CCDC150: variants seen among roughly 807,000 people sequenced by gnomAD.
The protein encoded by CCDC150 is coiled-coil domain containing 150.
Under a neutral mutation model 156.5 loss-of-function variants are expected in CCDC150, and 151 were observed. That is an observed-to-expected ratio of 0.97 (90% CI 0.85 to 1.10). The LOEUF (loss-of-function observed/expected upper bound fraction) is 1.10. CCDC150 is among the 50% of genes least tolerant of loss of function. The pLI is 0.00. For missense variants in CCDC150, 1,312 were observed against 1,268.1 expected (o/e 1.03, Z -0.53); for synonymous variants, 452 against 429.4 (o/e 1.05, Z -0.65).
intron 8 of CCDC150, among the ~76,000 whole-genome samples, chr2:196,671,849 G>A (rs1289377730): frequency 6.6e-6 from 1 of 152,218 alleles, no homozygotes; most frequent in African/African-American, 2.4e-5. Context: ...GATTAAAGCT[G>A]CTATAAGTAT....
At chr2:196,661,510 T>C (rs1287430089) in intron 5 of CCDC150, among the ~76,000 whole-genome samples, 2 of 152,178 alleles carry the variant, frequency 1.3e-5, no homozygotes, top group Admixed American at 6.5e-5. Flanking sequence ...ATGGCTTCAT[T>C]TTAATTTAAT....
intron 1 of CCDC150, among the ~76,000 whole-genome samples, chr2:196,641,905 A>G (rs1206745209): frequency 6.6e-6 from 1 of 152,194 alleles, no homozygotes; most frequent in Non-Finnish European, 1.5e-5. Flanking sequence ...GCCTGTGTCC[A>G]CAGAAGCATG....
rs540179503 is a variant in CCDC150, at chr2:196,707,818, C to T, written c.1696-4327C>T. 7.2e-5 allele frequency among the ~76,000 whole-genome samples: 11 copies of T among 152,126 alleles called. No homozygotes were observed. In the East Asian group the frequency reaches 9.7e-4, roughly 13 times the overall value. On this transcript the variant is annotated intron_variant, in intron 15 of 27. Transcript: ENST00000389175. ...GTTGTTCAGTTTCCATGTAGTTGTG[C>T]GGTTTTGAGTGAGTTTCTTAATGCT...
intron 15 of CCDC150, among the ~76,000 whole-genome samples, chr2:196,704,789 G>A (rs1696490482): frequency 6.6e-6 from 1 of 152,292 alleles, no homozygotes. Flanking sequence ...CTATGAGTGA[G>A]AACATGGGGT....
Position 196,656,832 on chromosome 2 carries a change from G to A in CCDC150, c.376G>A (p.Asp126Asn). Residue 126 changes from aspartate to asparagine, a missense_variant, in exon 3 of 28, where the codon GAT (aspartate) becomes AAT (asparagine). Physicochemically the swap from Asp to Asn is conservative, Grantham distance 23. Coordinates refer to ENST00000389175, the MANE Select transcript of CCDC150 (RefSeq NM_001080539.2). Reference sequence around the variant, plus strand: ...CATCTTTCGGCTGCAAACTGAAAAGGATTTGAATCCTCAGAAAACAGGTAT... The same window carrying A: ...CATCTTTCGGCTGCAAACTGAAAAGAATTTGAATCCTCAGAAAACAGGTAT... Reference protein sequence around the residue: ...MNIFRLQTEKDLNPQKTAFLK... With the variant: ...MNIFRLQTEKNLNPQKTAFLK... 3 of 1,613,852 alleles carry A rather than the reference G, an allele frequency of 1.9e-6. No homozygotes were observed. Among genetic ancestry groups the A allele is most frequent in the Non-Finnish European group, 2.5e-6 (3 of 1,179,808 alleles).
chr2:196,710,959 GTCAGT>G (rs1697074108), intron 15 of CCDC150, among the ~76,000 whole-genome samples: 1 of 151,820 alleles, frequency 6.6e-6, no homozygotes, highest in South Asian at 2.1e-4. Flanking sequence ...TTAAACATAT[GTCAGT>G]TTGAGTTATT....
chr2:196,713,576 T>C, intron 17 of CCDC150: 2 of 1,548,050 alleles, frequency 1.3e-6, no homozygotes, highest in Non-Finnish European at 1.7e-6. Context: ...AAAGACTCTT[T>C]TGAATGCTAT....
rs756155108 is a variant in CCDC150 at position 196,656,717 on chromosome 2, A to G, written c.261A>G (p.Ala87=). The G allele has an allele frequency of 1.4e-5, 22 of 1,613,734 alleles. No individual in the cohort carries two copies. The highest frequency in any genetic ancestry group is 1.7e-5 in the Non-Finnish European group (20 of 1,179,808). The change falls in exon 3 of 28, where the codon GCA becomes GCG. Residue 87 remains alanine (A), a synonymous_variant. Coordinates refer to ENST00000389175, the MANE Select transcript of CCDC150 (RefSeq NM_001080539.2). ...CTATCCAAAATGAAGCAATTTGTGCAGGAAAAACAGATATTTTATGGAAGA... is the reference window on the plus strand; with the variant it reads ...CTATCCAAAATGAAGCAATTTGTGCGGGAAAAACAGATATTTTATGGAAGA... The part of the protein sequence containing the change: ...ISPIQNEAIC[A]GKTDILWKNC...
chr2:196,669,797 AC>A (rs1694085645), intron 7 of CCDC150, 35 bp from the exon 8 acceptor site: 1 of 1,410,122 alleles, frequency 7.1e-7, no homozygotes, highest in Admixed American at 1.8e-5. Flanking sequence ...GTAGCAAGTT[AC>A]TATTATCATA....
chr2:196,718,736 T>G (rs750487320), intron 18 of CCDC150, 105 bp downstream of exon 18: 1 of 1,382,370 alleles, frequency 7.2e-7, no homozygotes. Flanking sequence ...GAATAAGGAT[T>G]GATCAGGGGA....
chr2:196,707,625 C>G (rs1321306325), intron 15 of CCDC150, among the ~76,000 whole-genome samples: 4 of 152,114 alleles, frequency 2.6e-5, no homozygotes, highest in African/African-American at 9.7e-5. Flanking sequence ...TAGATCTTTC[C>G]TGCTTTCTCT....
Position 196,721,513 on chromosome 2 carries a change from C to G in CCDC150, c.2260-9C>G, listed in dbSNP as rs1575963460. The G allele has an allele frequency of 1.3e-6, 2 of 1,588,436 alleles. No individual in the cohort carries two copies. The highest frequency in any genetic ancestry group is 1.7e-6 in the Non-Finnish European group (2 of 1,169,494). On this transcript the variant is annotated splice_polypyrimidine_tract_variant and intron_variant, in intron 20 of 27. Transcript: ENST00000389175. ...ACAGTGGAATTGAAAACATGCTTCT[C>G]TCTTTCAGATTGAATCTCTACAAAA...
In CCDC150 at chr2:196,669,402, G is replaced by A. The variant is rs1035998026; in HGVS notation, c.893-431G>A. On this transcript the variant is annotated intron_variant, in intron 7 of 27. Coordinates refer to ENST00000389175, the MANE Select transcript of CCDC150 (RefSeq NM_001080539.2). ...CACCAGTAAGCCATCAAGTCCAAAAGTGCTCTCTGTTTACTGTTTCACAGA... is the reference window on the plus strand; with the variant it reads ...CACCAGTAAGCCATCAAGTCCAAAAATGCTCTCTGTTTACTGTTTCACAGA... Among the ~76,000 whole-genome samples, 7 of 152,144 alleles carry A rather than the reference G, an allele frequency of 4.6e-5. No individual in the cohort carries two copies. In the East Asian group the frequency reaches 1.3e-3, roughly 29 times the overall value.
At chr2:196,700,447 T>C (rs1430276106) in intron 14 of CCDC150, among the ~76,000 whole-genome samples, 1 of 152,194 alleles carries the variant, frequency 6.6e-6, no homozygotes, top group Non-Finnish European at 1.5e-5. Flanking sequence ...AGTACCAATA[T>C]GGCCCAAAAT....
At chr2:196,648,674 C>G (rs1362600492) in intron 2 of CCDC150, among the ~76,000 whole-genome samples, 1 of 151,992 alleles carries the variant, frequency 6.6e-6, no homozygotes, top group Non-Finnish European at 1.5e-5. Flanking sequence ...GCTTTTGTTG[C>G]CTGTGCTTTG....
chr2:196,721,498 T>C (rs1215305396), intron 20 of CCDC150, 24 bp from the exon 21 acceptor site: 1 of 1,574,726 alleles, frequency 6.4e-7, no homozygotes, highest in Non-Finnish European at 8.6e-7. Context: ...ACAGTGGAAT[T>C]GAAAACATGC....
chr2:196,677,066 G>C (rs1486441683), intron 12 of CCDC150: 2 of 688,856 alleles, frequency 2.9e-6, no homozygotes, highest in South Asian at 3.0e-5. Flanking sequence ...TTCCTACTTA[G>C]GAAGGAACCA....
At chr2:196,655,404 A>G (rs1337314337) in intron 2 of CCDC150, among the ~76,000 whole-genome samples, 1 of 152,154 alleles carries the variant, frequency 6.6e-6, no homozygotes, top group Non-Finnish European at 1.5e-5. Context: ...TGGACAAACT[A>G]CTTTTAGGAA....
At chr2:196,695,580 A>C (rs1695768748) in intron 14 of CCDC150, among the ~76,000 whole-genome samples, 1 of 152,130 alleles carries the variant, frequency 6.6e-6, no homozygotes, top group Non-Finnish European at 1.5e-5. Context: ...GCGGTGGCTC[A>C]CACCTGTAAT....
Sources: allele counts gnomAD v4.1 joint callset (sites outside exome capture counted in the v4.1 genomes callset), GRCh38; gene constraint gnomAD v4.1.1; transcripts MANE v1.5; gene names NCBI Gene and HGNC (gene_info 2026-07-23, HGNC 2026-07-21).